PDE4B: variants seen among roughly 807,000 people sequenced by gnomAD.
PDE4B encodes the protein 3',5'-cyclic-AMP phosphodiesterase 4B.
Under a neutral mutation model 82.2 loss-of-function variants are expected in PDE4B, and 20 were observed. The observed-to-expected ratio is 0.24, with a 90% CI of 0.17 to 0.35. The LOEUF (loss-of-function observed/expected upper bound fraction) is 0.35, where lower values mean the gene tolerates loss of function less well. PDE4B is among the 10% of genes least tolerant of loss of function. PDE4B has a pLI of 1.00. For synonymous variants in PDE4B, 320 were observed against 318.9 expected, an observed-to-expected ratio of 1.00 and a Z score of -0.04; for missense variants, 655 against 907.2, an observed-to-expected ratio of 0.72 and a Z score of 3.57.
intron 7 of PDE4B, among the ~76,000 whole-genome samples, chr1:66,268,172 T>A (rs141630120): frequency 6.6e-6 from 1 of 152,216 alleles, no homozygotes; most frequent in African/African-American, 2.4e-5. Flanking sequence ...AACTGTATTC[T>A]TGTATTGGAG....
At chr1:66,085,021 C>T (rs560663854) in intron 3 of PDE4B, among the ~76,000 whole-genome samples, 1 of 152,082 alleles carries the variant, frequency 6.6e-6, no homozygotes, top group Admixed American at 6.6e-5. Flanking sequence ...TTAGGATGCA[C>T]CAAGTATCAC....
At chr1:65,884,763 G>A (rs1436173102) in intron 1 of PDE4B, among the ~76,000 whole-genome samples, 2 of 152,150 alleles carry the variant, frequency 1.3e-5, no homozygotes, top group African/African-American at 4.8e-5. Flanking sequence ...AACCCTAGAG[G>A]AAAACCTAGG....
At chr1:66,162,305 C>CTTTTTTTTTTTTTTTTTTTTTTTTTTTTT (rs1168144080) in intron 3 of PDE4B, among the ~76,000 whole-genome samples, 1 of 40,288 alleles carries the variant, frequency 2.5e-5, no homozygotes, top group African/African-American at 9.5e-5. Context: ...ATGGACTTCT[C>CTTTTTTTTTTTTTTTTTTTTTTTTTTTTT]TTTTTTTTTT....
chr1:66,295,707 C>T (rs563941359), intron 7 of PDE4B, among the ~76,000 whole-genome samples: 106 of 152,096 alleles, frequency 7.0e-4, no homozygotes, highest in Non-Finnish European at 9.6e-4. Flanking sequence ...AGGAGTGAGC[C>T]GCTGTGCCCG....
At chr1:66,287,449 G>A (rs1171988156) in intron 7 of PDE4B, among the ~76,000 whole-genome samples, 1 of 152,158 alleles carries the variant, frequency 6.6e-6, no homozygotes, top group African/African-American at 2.4e-5. Flanking sequence ...CATAAAATTA[G>A]CTGTAATCCT....
chr1:65,982,351 TA>T (rs1650732902), intron 3 of PDE4B, among the ~76,000 whole-genome samples: 1 of 152,190 alleles, frequency 6.6e-6, no homozygotes, highest in Non-Finnish European at 1.5e-5. Flanking sequence ...CCTTACTGTT[TA>T]TAGTAAACTG....
At chr1:66,109,719 G>A (rs1213543050) in intron 3 of PDE4B, among the ~76,000 whole-genome samples, 1 of 151,524 alleles carries the variant, frequency 6.6e-6, no homozygotes, top group African/African-American at 2.4e-5. Context: ...TTAGATTTAG[G>A]GGATACATGT....
chr1:66,088,476 T>C (rs1229069937), intron 3 of PDE4B, among the ~76,000 whole-genome samples: 1 of 152,066 alleles, frequency 6.6e-6, no homozygotes, highest in Non-Finnish European at 1.5e-5. Context: ...ATGCTATTAA[T>C]ATAACCTATT....
At chr1:65,868,247 T>A (rs1646533586) in intron 1 of PDE4B, among the ~76,000 whole-genome samples, 1 of 152,220 alleles carries the variant, frequency 6.6e-6, no homozygotes, top group Non-Finnish European at 1.5e-5. Context: ...GGCATTTCTA[T>A]CATCATCTCT....
At chr1:66,060,203 G>T (rs1323937939) in intron 3 of PDE4B, among the ~76,000 whole-genome samples, 1 of 152,100 alleles carries the variant, frequency 6.6e-6, no homozygotes, top group Non-Finnish European at 1.5e-5. Flanking sequence ...GAAGCTTCAG[G>T]ATTAAATTTT....
At chr1:65,896,729 C>T (rs1646914423) in intron 1 of PDE4B, among the ~76,000 whole-genome samples, 1 of 152,048 alleles carries the variant, frequency 6.6e-6, no homozygotes, top group South Asian at 2.1e-4. Context: ...GGGATAAATG[C>T]CATTTAAGAA....
intron 3 of PDE4B, among the ~76,000 whole-genome samples, chr1:66,152,808 T>C (rs1349748759): frequency 6.6e-6 from 1 of 151,938 alleles, no homozygotes; most frequent in African/African-American, 2.4e-5. Flanking sequence ...TAGGTTAGGC[T>C]AGCAGACTGG....
At chr1:66,293,642 G>C (rs1201083004) in intron 7 of PDE4B, among the ~76,000 whole-genome samples, 1 of 152,090 alleles carries the variant, frequency 6.6e-6, no homozygotes, top group Non-Finnish European at 1.5e-5. Context: ...TCCCAAGTTA[G>C]TTACATAGTT....
chr1:66,089,023 A>C (rs989809919), intron 3 of PDE4B, among the ~76,000 whole-genome samples: 1 of 152,108 alleles, frequency 6.6e-6, no homozygotes, highest in African/African-American at 2.4e-5. Flanking sequence ...AATGTACTGC[A>C]CTAAGCCACT....
intron 7 of PDE4B, among the ~76,000 whole-genome samples, chr1:66,271,555 G>A (rs1166563728): frequency 1.8e-4 from 27 of 152,216 alleles, no homozygotes; most frequent in Non-Finnish European, 4.0e-4. Context: ...TTTTGCTATA[G>A]CAGTAAGCCA....
At chr1:66,260,768 G>T (rs896308648) in intron 6 of PDE4B, among the ~76,000 whole-genome samples, 4 of 152,086 alleles carry the variant, frequency 2.6e-5, no homozygotes, top group Non-Finnish European at 4.4e-5. Flanking sequence ...ACCCTTGAGG[G>T]TTTTGGTCCT....
intron 1 of PDE4B, among the ~76,000 whole-genome samples, chr1:65,834,695 C>A (rs959457051): frequency 6.6e-6 from 1 of 152,130 alleles, no homozygotes; most frequent in African/African-American, 2.4e-5. Context: ...TTATATATAG[C>A]CACGTCTTCA....
intron 3 of PDE4B, among the ~76,000 whole-genome samples, chr1:66,188,000 C>G (rs1647335565): frequency 6.9e-6 from 1 of 145,974 alleles, no homozygotes; most frequent in Non-Finnish European, 1.5e-5. Context: ...CTACACACTG[C>G]TTTGAATGTG....
At chr1:66,244,088 A>G (rs1324962444) in intron 3 of PDE4B, among the ~76,000 whole-genome samples, 1 of 152,220 alleles carries the variant, frequency 6.6e-6, no homozygotes, top group Non-Finnish European at 1.5e-5. Context: ...ATTATTCAGA[A>G]TTGCAAATAT....
Sources: allele counts gnomAD v4.1 joint callset (sites outside exome capture counted in the v4.1 genomes callset), GRCh38; gene constraint gnomAD v4.1.1; transcripts MANE v1.5; gene names NCBI Gene and HGNC (gene_info 2026-07-23, HGNC 2026-07-21).